FCRLB: variants seen among roughly 807,000 people sequenced by gnomAD.
FCRLB encodes the protein Fc receptor-like B.
Under a neutral mutation model 33.6 loss-of-function variants are expected in FCRLB, and 34 were observed. That is an observed-to-expected ratio of 1.01 (90% confidence interval 0.77 to 1.35). The LOEUF (loss-of-function observed/expected upper bound fraction) is 1.35, where lower values mean the gene tolerates loss of function less well. Among genes scored for constraint, FCRLB ranks in the 40% most tolerant of loss-of-function variants. The pLI is 0.00. For synonymous variants in FCRLB, 280 were observed against 255.9 expected, an observed-to-expected ratio of 1.09 and a Z score of -0.90; for missense variants, 560 against 580.2, an observed-to-expected ratio of 0.97 and a Z score of 0.36.
chr1:161,727,806 A>G (rs1236697795), exon 8 of FCRLB: 3 of 992,026 alleles, frequency 3.0e-6, no homozygotes, highest in Non-Finnish European at 4.3e-6. Context: ...GTAGTGGCTG[A>G]CGATTTCAAC....
Position 161,726,961 on chromosome 1 carries a change from A to C in FCRLB, c.833A>C (p.Lys278Thr). ...GCTACCGCCACCCGCAGTGTCCGGAAACGCAGTCCGTGGCTGCAGCTCCCG... is the reference window on the plus strand; with the variant it reads ...GCTACCGCCACCCGCAGTGTCCGGACACGCAGTCCGTGGCTGCAGCTCCCG... The change falls in exon 7 of 8, where the codon AAA (lysine) becomes ACA (threonine). Residue 278 changes from lysine (K) to threonine (T), a missense_variant. By Grantham distance (78) the Lys-to-Thr change is moderately conservative. Coordinates refer to ENST00000367948, the Ensembl canonical transcript of FCRLB. This position sits in a 1 kb window ranked among gnomAD's most constrained non-coding sequence, Gnocchi z 5.2. 1 of 1,541,056 alleles carries C rather than the reference A, an allele frequency of 6.5e-7. No homozygotes were observed. The highest frequency in any genetic ancestry group is 1.2e-5 in the South Asian group (1 of 81,216).
At chr1:161,725,933 C>T (rs139796104) in exon 6 of FCRLB, 2 of 1,614,238 alleles carry the variant, frequency 1.2e-6, no homozygotes, top group African/African-American at 1.3e-5. Flanking sequence ...ACTACCACGA[C>T]GGCCAGGCCG....
chr1:161,724,500 G>A (rs1683477461), intron 5 of FCRLB, among the ~76,000 whole-genome samples: 1 of 151,920 alleles, frequency 6.6e-6, no homozygotes, highest in East Asian at 1.9e-4. Flanking sequence ...AGGAGGCTGA[G>A]GCATGAGAAT....
intron 5 of FCRLB, 112 bp downstream of exon 5, chr1:161,723,733 C>A: frequency 6.9e-7 from 1 of 1,459,054 alleles, no homozygotes. Flanking sequence ...ACAAGGGCCA[C>A]ACTGGGGCCT....
In FCRLB at chr1:161,726,069, G is replaced by T; in HGVS notation, c.556G>T (p.Val186Leu). The stretch of plus-strand genomic sequence containing the variant: ...GAGCGCGCCCATGTTCTCCGCTAAG[G>T]TGGCTGTGACAGTGCAAGGTGGGAG... Residue 186 changes from valine to leucine, a missense_variant, in exon 6 of 8, where the codon GTG (valine) becomes TTG (leucine). Coordinates refer to ENST00000367948, the Ensembl canonical transcript of FCRLB. The surrounding 1 kb of genome is among the most constrained non-coding windows in gnomAD (Gnocchi z 5.2). 2 of 1,610,960 alleles carry T rather than the reference G, an allele frequency of 1.2e-6. No homozygotes were observed. Among genetic ancestry groups the T allele is most frequent in the Non-Finnish European group, 1.7e-6 (2 of 1,177,854 alleles).
At chr1:161,723,528 A>G in exon 5 of FCRLB, 1 of 1,614,128 alleles carries the variant, frequency 6.2e-7, no homozygotes, top group Middle Eastern at 1.6e-4. Context: ...GCCCTCTCAC[A>G]AGAAGAGCAT....
intron 5 of FCRLB, 117 bp downstream of exon 5, chr1:161,723,738 G>A: frequency 6.9e-7 from 1 of 1,445,210 alleles, no homozygotes; most frequent in East Asian, 2.3e-5. Flanking sequence ...GGCCACACTG[G>A]GGCCTATCTT....
intron 5 of FCRLB, among the ~76,000 whole-genome samples, chr1:161,724,446 A>G (rs1683475645): frequency 1.3e-5 from 2 of 150,694 alleles, no homozygotes; most frequent in South Asian, 2.1e-4. Context: ...AAAAAAAAAA[A>G]AATAGCTGGG....
At chr1:161,721,927 T>G (rs1011391345) in intron 2 of FCRLB, 77 bp downstream of exon 2, 3 of 151,824 alleles carry the variant, frequency 2.0e-5, no homozygotes, top group African/African-American at 7.3e-5. Context: ...AAAGAACAAG[T>G]GATTGGAAGT....
intron 5 of FCRLB, among the ~76,000 whole-genome samples, chr1:161,724,162 T>C (rs981470845): frequency 1.3e-5 from 2 of 152,238 alleles, no homozygotes; most frequent in East Asian, 1.9e-4. Context: ...AAAGCAGCAA[T>C]TGAACTGAGC....
exon 8 of FCRLB, chr1:161,727,542 G>T (rs200143127): frequency 1.2e-6 from 2 of 1,614,054 alleles, no homozygotes; most frequent in African/African-American, 2.7e-5. Context: ...TTCTGAGCCG[G>T]GTGGTCCTGG....
intron 4 of FCRLB, 52 bp from the exon 5 acceptor site, chr1:161,723,315 C>T: frequency 6.3e-7 from 1 of 1,591,482 alleles, no homozygotes; most frequent in African/African-American, 1.3e-5. Flanking sequence ...TTGGGCACCT[C>T]ACCTTGATTC....
At chr1:161,722,887 C>G in intron 3 of FCRLB, 102 bp from the exon 4 acceptor site, 1 of 1,545,516 alleles carries the variant, frequency 6.5e-7, no homozygotes, top group Non-Finnish European at 8.9e-7. Context: ...AGAAGAAAAA[C>G]AGGTTTTGGG....
chr1:161,726,663 G>A lies in FCRLB; in HGVS notation c.575-40G>A, dbSNP rs1468720637. On this transcript the variant is annotated intron_variant, in intron 6 of 7. Coordinates refer to ENST00000367948, the Ensembl canonical transcript of FCRLB. This position sits in a 1 kb window ranked among gnomAD's most constrained non-coding sequence, Gnocchi z 5.2. ...CAGGAAGGAGCGGGGTCGCGGAGCG[G>A]TGGACAAGCCGGCGCCGTTGCTCCC... 6.4e-7 allele frequency: 1 copy of A among 1,559,424 alleles called. No individual in the cohort carries two copies. Among genetic ancestry groups the A allele is most frequent in the South Asian group, 1.2e-5 (1 of 85,840 alleles).
chr1:161,726,658 G>C lies in FCRLB; in HGVS notation c.575-45G>C, dbSNP rs1465961707. ...GGAAGCAGGAAGGAGCGGGGTCGCG[G>C]AGCGGTGGACAAGCCGGCGCCGTTG... On this transcript the variant is annotated intron_variant, in intron 6 of 7. Coordinates refer to ENST00000367948, the Ensembl canonical transcript of FCRLB. The surrounding 1 kb of genome is among the most constrained non-coding windows in gnomAD (Gnocchi z 5.2). 1 of 1,555,696 alleles carries C rather than the reference G, an allele frequency of 6.4e-7. No individual in the cohort carries two copies. The highest frequency in any genetic ancestry group is 8.6e-7 in the Non-Finnish European group (1 of 1,158,034).
In FCRLB at chr1:161,726,950, C is replaced by A; in HGVS notation, c.822C>A (p.Arg274=). 1 of 1,551,254 alleles carries A rather than the reference C, an allele frequency of 6.4e-7. No homozygotes were observed. Among genetic ancestry groups the A allele is most frequent in the South Asian group, 1.2e-5 (1 of 82,926 alleles). The change falls in exon 7 of 8, where the codon CGC becomes CGA. Residue 274 remains arginine, a synonymous_variant. Transcript: ENST00000367948. This position sits in a 1 kb window ranked among gnomAD's most constrained non-coding sequence, Gnocchi z 5.2. The stretch of plus-strand genomic sequence containing the variant: ...GGTGCGAGGCGGCTACCGCCACCCG[C>A]AGTGTCCGGAAACGCAGTCCGTGGC...
intron 7 of FCRLB, 104 bp downstream of exon 7, chr1:161,727,097 C>A (rs1357199418): frequency 4.5e-6 from 6 of 1,335,550 alleles, no homozygotes. Flanking sequence ...CCGTCCCGCC[C>A]CCCGCCTTTC....
intron 7 of FCRLB, 41 bp from the exon 8 acceptor site, chr1:161,727,206 A>G (rs1683616403): frequency 6.5e-7 from 1 of 1,542,484 alleles, no homozygotes; most frequent in Non-Finnish European, 8.7e-7. Context: ...GCCGAGAAGA[A>G]CCATGCAAGC....
At position 161,726,890 on chromosome 1, in the gene FCRLB, C is replaced by T. The variant is rs1267157265; in HGVS notation, c.762C>T (p.Val254=). The change falls in exon 7 of 8, where the codon GTC becomes GTT. Residue 254 remains valine, a synonymous_variant. Transcript: ENST00000367948. This position sits in a 1 kb window ranked among gnomAD's most constrained non-coding sequence, Gnocchi z 5.2. The stretch of plus-strand genomic sequence containing the variant: ...TCGACTGGGGCGCCGAGTACACAGT[C>T]CCGGAGCCCGAGGTCGAGGAGCTCG... 6.3e-6 allele frequency: 10 copies of T among 1,585,910 alleles called. No individual in the cohort carries two copies. The highest frequency in any genetic ancestry group is 1.4e-5 in the African/African-American group (1 of 73,990).
Sources: allele counts gnomAD v4.1 joint callset (sites outside exome capture counted in the v4.1 genomes callset), GRCh38; gene constraint gnomAD v4.1.1; non-coding constraint Gnocchi (gnomAD v3.1); transcripts MANE v1.5; gene names NCBI Gene and HGNC (gene_info 2026-07-23, HGNC 2026-07-21).